BMP8A: variants seen among roughly 807,000 people sequenced by gnomAD.
BMP8A encodes bone morphogenetic protein 8a.
Under a neutral mutation model 36.8 loss-of-function variants are expected in BMP8A, and 14 were observed. The observed-to-expected ratio is 0.38, with a 90% confidence interval of 0.25 to 0.60. BMP8A has a LOEUF of 0.60. Among genes scored for constraint, BMP8A ranks in the 20% least tolerant of loss-of-function variants. BMP8A has a pLI of 0.63. For synonymous variants in BMP8A, 120 were observed against 237.7 expected (o/e 0.50, Z 4.55); for missense variants, 267 against 551.1 (o/e 0.48, Z 5.16).
At chr1:39,498,438 T>C (rs897459873) in intron 1 of BMP8A, among the ~76,000 whole-genome samples, 1 of 152,218 alleles carries the variant, frequency 6.6e-6, no homozygotes, top group African/African-American at 2.4e-5. Context: ...GCGGGCTTGA[T>C]GTGGAGGCAT....
At chr1:39,505,193 CT>C (rs1645291020) in intron 1 of BMP8A, among the ~76,000 whole-genome samples, 1 of 152,142 alleles carries the variant, frequency 6.6e-6, no homozygotes, top group Non-Finnish European at 1.5e-5. Context: ...TTGGTCAGGT[CT>C]TTCCCTTTCC....
At chr1:39,511,109 C>G in intron 1 of BMP8A, 65 bp from the exon 2 acceptor site, 1 of 1,538,670 alleles carries the variant, frequency 6.5e-7, no homozygotes, top group South Asian at 1.2e-5. Flanking sequence ...TGGCTCACAC[C>G]AGCTCTGCCC....
At chr1:39,504,964 G>T (rs2124337759) in intron 1 of BMP8A, among the ~76,000 whole-genome samples, 1 of 152,338 alleles carries the variant, frequency 6.6e-6, no homozygotes, top group Admixed American at 6.5e-5. Flanking sequence ...TCTCAATGCA[G>T]TAAAGAGCAG....
At chr1:39,508,087 T>C (rs1436527475) in intron 1 of BMP8A, among the ~76,000 whole-genome samples, 1 of 151,978 alleles carries the variant, frequency 6.6e-6, no homozygotes, top group Non-Finnish European at 1.5e-5. Flanking sequence ...CTGTCTCTAC[T>C]AAAAATACAA....
At chr1:39,495,868 G>A (rs975676645) in intron 1 of BMP8A, among the ~76,000 whole-genome samples, 1 of 152,208 alleles carries the variant, frequency 6.6e-6, no homozygotes, top group South Asian at 2.1e-4. Flanking sequence ...TGAGGCATAA[G>A]CAGGACTAGC....
chr1:39,517,674 T>C (rs1645403704), intron 3 of BMP8A, among the ~76,000 whole-genome samples: 1 of 152,058 alleles, frequency 6.6e-6, no homozygotes, highest in African/African-American at 2.4e-5. Context: ...TTGTTAAATT[T>C]TGTTTCCCTG....
At chr1:39,514,836 G>A in intron 3 of BMP8A, 9 of 1,169,974 alleles carry the variant, frequency 7.7e-6, no homozygotes, top group Admixed American at 3.9e-5. Context: ...GCGCCTGGCC[G>A]GGGAGACCTG....
chr1:39,514,617 G>C (rs1240453644), intron 3 of BMP8A, among the ~76,000 whole-genome samples: 1 of 152,024 alleles, frequency 6.6e-6, no homozygotes, highest in Admixed American at 6.5e-5. Context: ...GAAGCTGGGG[G>C]GAAGCTTGGG....
chr1:39,525,752 T>C lies in BMP8A; in HGVS notation c.1163T>C (p.Leu388Pro), dbSNP rs1279876573. The C allele has an allele frequency of 6.2e-7, 1 of 1,614,246 alleles. No individual in the cohort carries two copies. Residue 388 changes from leucine to proline, a missense_variant, in exon 7 of 7, where the codon CTG becomes CCG. By Grantham distance (98) the Leu-to-Pro change is moderately conservative (BLOSUM62 -3). Transcript: ENST00000331593. Reference sequence around the variant, plus strand: ...TATGACAGCAGCAACAACGTCATCCTGCGCAAGCACCGCAACATGGTGGTC... The same window carrying C: ...TATGACAGCAGCAACAACGTCATCCCGCGCAAGCACCGCAACATGGTGGTC... The part of the protein sequence containing the change: ...LYYDSSNNVI[L>P]RKHRNMVVKA...
intron 1 of BMP8A, among the ~76,000 whole-genome samples, chr1:39,502,235 CAAA>C (rs144694221): frequency 1.6e-5 from 2 of 123,106 alleles, no homozygotes; most frequent in Admixed American, 8.3e-5. Context: ...GAGACTGTCT[CAAA>C]AAAAAAAAAA....
At chr1:39,497,754 C>G (rs1645217858) in intron 1 of BMP8A, among the ~76,000 whole-genome samples, 1 of 151,186 alleles carries the variant, frequency 6.6e-6, no homozygotes, top group Non-Finnish European at 1.5e-5. Context: ...CCCCTGCCCC[C>G]CACCCCGTGG....
At chr1:39,525,575 TG>T in intron 6 of BMP8A, 73 bp from the exon 7 acceptor site, 1 of 1,563,586 alleles carries the variant, frequency 6.4e-7, no homozygotes. Flanking sequence ...CAGGTGGAGC[TG>T]GGGCGGGGCT....
chr1:39,525,843 C>T lies in BMP8A; in HGVS notation c.*45C>T, dbSNP rs777822565. 26 of 1,610,782 alleles carry T rather than the reference C, an allele frequency of 1.6e-5. No homozygotes were observed. The highest frequency in any genetic ancestry group is 2.2e-5 in the East Asian group (1 of 44,868). On this transcript the variant is annotated 3_prime_UTR_variant, in exon 7 of 7. Coordinates refer to ENST00000331593, the MANE Select transcript of BMP8A (RefSeq NM_181809.4). ...CTGCAGCCACCCTTCTCATCTGGAT[C>T]GGGCCCTGCAGAGGCAGAAAACCCT...
At chr1:39,517,493 T>C (rs1425381902) in intron 3 of BMP8A, among the ~76,000 whole-genome samples, 2 of 151,836 alleles carry the variant, frequency 1.3e-5, no homozygotes, top group African/African-American at 4.8e-5. Flanking sequence ...TTTTTGTATA[T>C]ATATTTTTAA....
chr1:39,501,978 G>A (rs977779151), intron 1 of BMP8A, among the ~76,000 whole-genome samples: 4 of 152,086 alleles, frequency 2.6e-5, no homozygotes, highest in Non-Finnish European at 4.4e-5. Flanking sequence ...AATGGCTCAC[G>A]CCTATAATCC....
At chr1:39,501,844 G>T (rs955130838) in intron 1 of BMP8A, among the ~76,000 whole-genome samples, 1 of 152,178 alleles carries the variant, frequency 6.6e-6, no homozygotes, top group African/African-American at 2.4e-5. Context: ...CTACCCTAGG[G>T]ATTGTGCCAT....
intron 1 of BMP8A, among the ~76,000 whole-genome samples, chr1:39,506,203 T>TTTTTTG (rs537722152): frequency 2.1e-3 from 316 of 152,078 alleles, no homozygotes; most frequent in Non-Finnish European, 3.2e-3. Flanking sequence ...ATTTCCTGGT[T>TTTTTTG]TTTTTGTTTT....
chr1:39,505,393 GC>G (rs1645292538), intron 1 of BMP8A, among the ~76,000 whole-genome samples: 1 of 152,174 alleles, frequency 6.6e-6, no homozygotes, highest in African/African-American at 2.4e-5. Context: ...ATCCTGCACA[GC>G]CCTAAATCCA....
In BMP8A at chr1:39,523,064, T is replaced by C; in HGVS notation, c.1006T>C (p.Phe336Leu). ...SAYYCEGECS[F>L]PLDSCMNATN... Reference sequence around the variant, plus strand: ...CTATTACTGTGAGGGGGAGTGCTCCTTCCCGCTGGACTCCTGCATGAACGC... The same window carrying C: ...CTATTACTGTGAGGGGGAGTGCTCCCTCCCGCTGGACTCCTGCATGAACGC... The change falls in exon 6 of 7, where the codon TTC becomes CTC. Residue 336 changes from phenylalanine to leucine, a missense_variant. Physicochemically the swap from Phe to Leu is conservative, Grantham distance 22 (BLOSUM62 0). Around this residue, in one of 7 missense-constraint regions of BMP8A, gnomAD observed 132 missense variants for 151.3 expected, o/e 0.87. Transcript: ENST00000331593. 1 of 1,613,960 alleles carries C rather than the reference T, an allele frequency of 6.2e-7. No homozygotes were observed.
Sources: gnomAD v4.1 joint callset for allele counts (sites outside exome capture counted in the v4.1 genomes callset) on GRCh38, gnomAD v4.1.1 for gene constraint, gnomAD v4.1.1 regional missense constraint, MANE v1.5 for transcripts, NCBI Gene and HGNC (gene_info 2026-07-23, HGNC 2026-07-21) for gene names.